CNTN4: variants seen among roughly 807,000 people sequenced by gnomAD.
CNTN4 encodes the protein contactin 4.
CNTN4 carries 77 observed loss-of-function variants against 122.5 expected under a neutral mutation model. That is an observed-to-expected ratio of 0.63 (90% CI 0.52 to 0.76). The LOEUF is 0.76. Ranked by LOEUF, CNTN4 falls within the 30% of genes least tolerant of loss-of-function variation. The probability of loss-of-function intolerance (pLI) is 0.00; values close to 1 mark genes in which losing one functional copy is unlikely to be tolerated. For missense variants in CNTN4, 1,256 were observed against 1,259.1 expected, an observed-to-expected ratio of 1.00 and a Z score of 0.04; for synonymous variants, 512 against 447.0, an observed-to-expected ratio of 1.15 and a Z score of -1.83.
rs947421001 is a variant in CNTN4, at chr3:2,896,186, A to G, written c.941-4499A>G. 4.6e-5 allele frequency among the ~76,000 whole-genome samples: 7 copies of G among 152,310 alleles called. 1 individual carries two copies. The highest frequency in any genetic ancestry group is 3.9e-4 in the East Asian group (2 of 5,178). ...GTTCTTATAATACAAGATATCAGCC[A>G]GTATCAGCAAAGTATGTGTATGTTT... On this transcript the variant is annotated intron_variant, in intron 10 of 24. Transcript: ENST00000418658.
chr3:2,451,276 T>A (rs974961428), intron 3 of CNTN4, among the ~76,000 whole-genome samples: 7 of 152,154 alleles, frequency 4.6e-5, no homozygotes, highest in African/African-American at 1.7e-4. Flanking sequence ...ATGGCGACAT[T>A]ACTAGCACTC....
chr3:2,508,175 T>A (rs1575799847), intron 3 of CNTN4, among the ~76,000 whole-genome samples: 3 of 152,360 alleles, frequency 2.0e-5, no homozygotes, highest in Admixed American at 2.0e-4. Flanking sequence ...TTGAATATTT[T>A]ATTACTGGCT....
intron 3 of CNTN4, among the ~76,000 whole-genome samples, chr3:2,361,563 C>T (rs1207657996): frequency 1.3e-5 from 2 of 152,170 alleles, no homozygotes; most frequent in Non-Finnish European, 2.9e-5. Flanking sequence ...CTCATACATT[C>T]AGCCCACACT....
At chr3:2,782,310 T>A (rs2091627875) in intron 6 of CNTN4, among the ~76,000 whole-genome samples, 1 of 151,636 alleles carries the variant, frequency 6.6e-6, no homozygotes, top group African/African-American at 2.4e-5. Context: ...GGCCTTAGAA[T>A]TTTATTTGTG....
At chr3:2,651,738 T>G (rs533600727) in intron 4 of CNTN4, among the ~76,000 whole-genome samples, 1 of 151,368 alleles carries the variant, frequency 6.6e-6, no homozygotes, top group African/African-American at 2.4e-5. Flanking sequence ...AGTCTCACTC[T>G]GTTGCCCAGG....
At chr3:2,743,453 A>G (rs762487691) in intron 5 of CNTN4, among the ~76,000 whole-genome samples, 1 of 152,200 alleles carries the variant, frequency 6.6e-6, no homozygotes. Flanking sequence ...ACAAACACAT[A>G]AAGAGGTACC....
chr3:2,504,968 A>T (rs1202462203), intron 3 of CNTN4, among the ~76,000 whole-genome samples: 2 of 152,202 alleles, frequency 1.3e-5, no homozygotes, highest in East Asian at 3.8e-4. Context: ...GGTCACAGAA[A>T]CAGGAAACAA....
intron 4 of CNTN4, among the ~76,000 whole-genome samples, chr3:2,658,016 A>C (rs933929004): frequency 5.4e-5 from 8 of 147,650 alleles, no homozygotes; most frequent in African/African-American, 2.0e-4. Context: ...TATAATAGTA[A>C]ATAGCTATGT....
At chr3:2,473,241 A>C (rs796206594) in intron 3 of CNTN4, among the ~76,000 whole-genome samples, 7,488 of 103,364 alleles carry the variant, frequency 0.072, 275 homozygotes, top group East Asian at 0.19. Flanking sequence ...CAAAAAAAAA[A>C]AAAAAAAAAA....
At chr3:2,509,582 G>A (rs1299991522) in intron 3 of CNTN4, among the ~76,000 whole-genome samples, 1 of 152,166 alleles carries the variant, frequency 6.6e-6, no homozygotes, top group Non-Finnish European at 1.5e-5. Flanking sequence ...AGTTGATAAT[G>A]GGCACAGAAG....
chr3:2,750,327 T>C (rs1042411402), intron 6 of CNTN4, among the ~76,000 whole-genome samples: 1 of 152,220 alleles, frequency 6.6e-6, no homozygotes, highest in African/African-American at 2.4e-5. Context: ...TCTTATAAGG[T>C]AGACATTATT....
chr3:3,046,433 G>C (rs1274105571), intron 23 of CNTN4, among the ~76,000 whole-genome samples: 1 of 152,188 alleles, frequency 6.6e-6, no homozygotes, highest in Non-Finnish European at 1.5e-5. Context: ...GGATCTCTTG[G>C]CAGAAACTCT....
At chr3:3,023,927 A>G (rs1698503092) in intron 14 of CNTN4, among the ~76,000 whole-genome samples, 1 of 152,202 alleles carries the variant, frequency 6.6e-6, no homozygotes, top group African/African-American at 2.4e-5. Flanking sequence ...CACAACAGAC[A>G]ATATCTTAAT....
intron 14 of CNTN4, among the ~76,000 whole-genome samples, chr3:3,017,626 G>A (rs1259034132): frequency 6.6e-6 from 1 of 152,194 alleles, no homozygotes; most frequent in East Asian, 1.9e-4. Context: ...CCCCCAAAAA[G>A]AGTCAGACCT....
At chr3:2,566,506 G>A (rs138819343) in intron 3 of CNTN4, among the ~76,000 whole-genome samples, 3 of 152,184 alleles carry the variant, frequency 2.0e-5, no homozygotes, top group African/African-American at 4.8e-5. Flanking sequence ...CTGTTGATTG[G>A]CTGCCTGCTC....
intron 20 of CNTN4, 185 bp downstream of exon 20, chr3:3,040,456 G>C (rs1204466370): frequency 1.6e-6 from 1 of 634,216 alleles, no homozygotes; most frequent in African/African-American, 1.8e-5. Context: ...GATAGCGACT[G>C]CTCTGTATAT....
In CNTN4 at chr3:3,037,235, T is replaced by G; in HGVS notation, c.1999T>G (p.Trp667Gly). Residue 667 changes from tryptophan (W) to glycine (G), a missense_variant, in exon 18 of 25, where the codon TGG (tryptophan) becomes GGG (glycine). Trp to Gly is a radical substitution (Grantham distance 184). Coordinates refer to ENST00000418658, the MANE Select transcript of CNTN4 (RefSeq NM_175607.3). ...AGCGACCGTGGTGGGTTTGAACCCT[T>G]GGGTTGAATATGAATTCCGCACAGT... ...FTATVVGLNP[W>G]VEYEFRTVAA... is the part of the protein sequence containing the mutation. 10 of 1,614,154 alleles carry G rather than the reference T, an allele frequency of 6.2e-6. No homozygotes were observed. Among genetic ancestry groups the G allele is most frequent in the Non-Finnish European group, 7.6e-6 (9 of 1,180,018 alleles).
chr3:2,213,778 G>A (rs933500465), intron 2 of CNTN4, among the ~76,000 whole-genome samples: 2 of 152,154 alleles, frequency 1.3e-5, no homozygotes, highest in Non-Finnish European at 2.9e-5. Context: ...CATAGGAAGT[G>A]ATTTTTCTGG....
intron 2 of CNTN4, among the ~76,000 whole-genome samples, chr3:2,308,277 G>T (rs1486026306): frequency 1.3e-5 from 2 of 151,654 alleles, no homozygotes; most frequent in Non-Finnish European, 2.9e-5. Context: ...TCAATTTTAG[G>T]ATTTTGAATT....
Sources: allele counts gnomAD v4.1 joint callset (sites outside exome capture counted in the v4.1 genomes callset), GRCh38; gene constraint gnomAD v4.1.1; transcripts MANE v1.5; gene names NCBI Gene and HGNC (gene_info 2026-07-23, HGNC 2026-07-21).